Variants in SLC4A3 observed in about 807,000 individuals in gnomAD.
SLC4A3 encodes anion exchange protein 3.
In SLC4A3, 47 loss-of-function variants were observed where a neutral mutation model predicts 114.2. The observed-to-expected ratio is 0.41, with a 90% confidence interval of 0.33 to 0.52. SLC4A3 has a LOEUF of 0.52. Among genes scored for constraint, SLC4A3 ranks in the 20% least tolerant of loss-of-function variants. SLC4A3 has a pLI of 0.21. For synonymous variants in SLC4A3, 693 were observed against 710.3 expected, an observed-to-expected ratio of 0.98 and a Z score of 0.39; for missense variants, 1,312 against 1,668.3, an observed-to-expected ratio of 0.79 and a Z score of 3.72.
rs1298958577 is a variant in SLC4A3, at chr2:219,635,433, C to T, written c.1909C>T (p.Arg637Ter). Residue 637 changes from arginine to a stop codon, truncating the protein, a stop_gained, in exon 13 of 23, where the codon CGA becomes TGA. Transcript: ENST00000358055. LOFTEE classifies it high-confidence loss of function. ...CCAGCGAGAGCTGCTTAGGAAGCGGCGAGAGCGTGAACAGACCAAAGTCGA... is the reference window on the plus strand; with the variant it reads ...CCAGCGAGAGCTGCTTAGGAAGCGGTGAGAGCGTGAACAGACCAAAGTCGA... Reference protein sequence around the residue: ...AFQRELLRKRREREQTKVEMT... With the variant: ...AFQRELLRKR 9 of 1,613,932 alleles carry T rather than the reference C, an allele frequency of 5.6e-6. No individual in the cohort carries two copies. The highest frequency in any genetic ancestry group is 1.3e-5 in the African/African-American group (1 of 74,922).
Position 219,637,009 on chromosome 2 carries a change from G to A in SLC4A3, c.2535+135G>A. ...CTGTGTTGGGAGTGAGGGGTTCTAG[G>A]GACACCCTAGGCTAGGTCTGAGCTG... On this transcript the variant is annotated intron_variant, in intron 16 of 22. Transcript: ENST00000358055. This position sits in a 1 kb window ranked among gnomAD's most constrained non-coding sequence, Gnocchi z 4.6. The A allele has an allele frequency of 4.9e-6, 4 of 808,130 alleles. No homozygotes were observed. Among genetic ancestry groups the A allele is most frequent in the Non-Finnish European group, 7.8e-6 (4 of 510,454 alleles). 50.1% of individuals were successfully genotyped at this position (808,130 alleles called of 1,614,324 possible).
Position 219,628,328 on chromosome 2 carries a change from A to T in SLC4A3, c.52-77A>T. On this transcript the variant is annotated intron_variant, in intron 2 of 22. Coordinates refer to ENST00000358055, the MANE Select transcript of SLC4A3 (RefSeq NM_005070.4). This position sits in a 1 kb window ranked among gnomAD's most constrained non-coding sequence, Gnocchi z 4.8. ...TGTGAGAGCCTGCTGAGCTCCCCCA[A>T]CTAGGGCTTGGAGTTGGGGTGGGTG... is the stretch of plus-strand genomic sequence containing the variant. 1 of 1,440,064 alleles carries T rather than the reference A, an allele frequency of 6.9e-7. No individual in the cohort carries two copies. Among genetic ancestry groups the T allele is most frequent in the South Asian group, 1.4e-5 (1 of 71,032 alleles). The allele number at this position is 1,440,064 out of a possible 1,614,324, so 89.2% of individuals were successfully genotyped here.
chr2:219,633,900 G>A lies in SLC4A3; in HGVS notation c.1482G>A (p.Gly494=), dbSNP rs963005425. The change falls in exon 11 of 23, where the codon GGG becomes GGA. Residue 494 remains glycine (G), a synonymous_variant. Transcript: ENST00000358055. ...DAKEKPLHMP[G]GDGHRGKSLK... ...CTCAGAAGCCCCTCCACATGCCTGG[G>A]GGAGATGGTCACCGGGGGAAAAGCC... The A allele has an allele frequency of 1.3e-6, 2 of 1,560,002 alleles. No homozygotes were observed. Among genetic ancestry groups the A allele is most frequent in the African/African-American group, 2.7e-5 (2 of 73,850 alleles).
rs1208637287 is a variant in SLC4A3 at position 219,635,298 on chromosome 2, G to T, written c.1774G>T (p.Asp592Tyr). The T allele has an allele frequency of 6.2e-7, 1 of 1,614,144 alleles. No homozygotes were observed. The highest frequency in any genetic ancestry group is 1.7e-5 in the Admixed American group (1 of 60,024). ...GTTTCATGAGGCTGCCTACCAGGCA[G>T]ATGACCGGCAAGACCTCCTAAGTGC... ...KLFHEAAYQA[D>Y]DRQDLLSAIS... is the part of the protein sequence containing the mutation. Residue 592 changes from aspartate (D) to tyrosine (Y), a missense_variant, in exon 13 of 23, where the codon GAT becomes TAT. Around this residue, in one of 4 missense-constraint regions of SLC4A3, gnomAD observed 771 missense variants for 977.7 expected, o/e 0.79. Transcript: ENST00000358055.
In SLC4A3 at chr2:219,636,784, G is replaced by C. The variant is rs373653726; in HGVS notation, c.2445G>C (p.Leu815=). ...LALVAAEGSF[L]VRYISPFTQE... ...TGGTGGCCGCCGAAGGCAGCTTCCTGGTCCGCTACATCTCGCCTTTCACCC... is the reference window on the plus strand; with the variant it reads ...TGGTGGCCGCCGAAGGCAGCTTCCTCGTCCGCTACATCTCGCCTTTCACCC... The change falls in exon 16 of 23, where the codon CTG becomes CTC. Residue 815 remains leucine, a synonymous_variant. Transcript: ENST00000358055. This position sits in a 1 kb window ranked among gnomAD's most constrained non-coding sequence, Gnocchi z 5.5. 1.2e-6 allele frequency: 2 copies of C among 1,613,918 alleles called. No individual in the cohort carries two copies. The highest frequency in any genetic ancestry group is 1.3e-5 in the African/African-American group (1 of 74,896).
chr2:219,635,965 T>C, intron 14 of SLC4A3, 74 bp downstream of exon 14: 1 of 1,230,424 alleles, frequency 8.1e-7, no homozygotes, highest in Non-Finnish European at 1.1e-6. Flanking sequence ...TGCAGGATTC[T>C]GGGTCTGGGT....
rs1639575756 is a variant in SLC4A3 at position 219,640,339 on chromosome 2, G to A, written c.3278-91G>A. ...CTCCATCCTCACGGGGGCTGTCTGAGGGTCAGGCAGATCTGTGTCACCTCT... is the reference window on the plus strand; with the variant it reads ...CTCCATCCTCACGGGGGCTGTCTGAAGGTCAGGCAGATCTGTGTCACCTCT... On this transcript the variant is annotated intron_variant, in intron 20 of 22. Transcript: ENST00000358055. The A allele has an allele frequency of 9.0e-6, 13 of 1,437,004 alleles. No individual in the cohort carries two copies. In the South Asian group the frequency reaches 1.7e-4, roughly 19 times the overall value. The allele number at this position is 1,437,004 out of a possible 1,614,324, so 89.0% of individuals were successfully genotyped here.
chr2:219,634,761 G>T (rs1234819427), intron 12 of SLC4A3, among the ~76,000 whole-genome samples, 157 bp downstream of exon 12: 1 of 152,194 alleles, frequency 6.6e-6, no homozygotes, highest in Non-Finnish European at 1.5e-5. Context: ...TGGCCCAGGG[G>T]AGAAGAGAGA....
At position 219,628,661 on chromosome 2, in the gene SLC4A3, C is replaced by G; in HGVS notation, c.217+91C>G. On this transcript the variant is annotated intron_variant, in intron 3 of 22. Coordinates refer to ENST00000358055, the MANE Select transcript of SLC4A3 (RefSeq NM_005070.4). This position sits in a 1 kb window ranked among gnomAD's most constrained non-coding sequence, Gnocchi z 4.8. ...CGCGCTCACCTCCGGCTTGGTCACC[C>G]AGTGCCATCCTGTGCCGGACACTGT... 1 of 1,311,924 alleles carries G rather than the reference C, an allele frequency of 7.6e-7. No individual in the cohort carries two copies. The highest frequency in any genetic ancestry group is 1.3e-5 in the South Asian group (1 of 79,990). 81.3% of individuals were successfully genotyped at this position (1,311,924 alleles called of 1,614,324 possible). A position where few individuals can be genotyped will look rare whatever the true frequency, so the allele number is the denominator to read the frequency against.
intron 10 of SLC4A3, 48 bp from the exon 11 acceptor site, chr2:219,633,832 A>T: frequency 6.5e-7 from 1 of 1,550,286 alleles, no homozygotes. Context: ...AGGGCCTGCC[A>T]CGGCCTCCGG....
In SLC4A3 at chr2:219,633,354, A is replaced by G. The variant is rs1481198336; in HGVS notation, c.1358A>G (p.His453Arg). 1 of 1,607,470 alleles carries G rather than the reference A, an allele frequency of 6.2e-7. No individual in the cohort carries two copies. The highest frequency in any genetic ancestry group is 8.5e-7 in the Non-Finnish European group (1 of 1,175,736). Residue 453 changes from histidine to arginine, a missense_variant, in exon 10 of 23, where the codon CAT becomes CGT. By Grantham distance (29) the His-to-Arg change is conservative. Around this residue, in one of 4 missense-constraint regions of SLC4A3, gnomAD observed 771 missense variants for 977.7 expected, o/e 0.79. Coordinates refer to ENST00000358055, the MANE Select transcript of SLC4A3 (RefSeq NM_005070.4). ...AGCATGAACTCGGTTCTGGGGAATC[A>G]TCACCCAACTCCCAGCCATGGCCCT... is the stretch of plus-strand genomic sequence containing the variant. The part of the protein sequence containing the change: ...SSSMNSVLGN[H>R]HPTPSHGPDG...
rs1183475042 is a variant in SLC4A3 at position 219,641,776 on chromosome 2, C to A, written c.*48C>A. 6.7e-7 allele frequency: 1 copy of A among 1,498,800 alleles called. No individual in the cohort carries two copies. The highest frequency in any genetic ancestry group is 1.4e-5 in the African/African-American group (1 of 72,760). The allele number at this position is 1,498,800 out of a possible 1,614,324, so 92.8% of individuals were successfully genotyped here. ...GAGACCCCAAGACCTTAGGGATTGA[C>A]ACCTGGGCCTCAGGCAGAGCCCAGC... On this transcript the variant is annotated 3_prime_UTR_variant, in exon 23 of 23. Coordinates refer to ENST00000358055, the MANE Select transcript of SLC4A3 (RefSeq NM_005070.4). This position sits in a 1 kb window ranked among gnomAD's most constrained non-coding sequence, Gnocchi z 4.0.
Position 219,637,591 on chromosome 2 carries a change from A to G in SLC4A3, c.2546A>G (p.Glu849Gly), listed in dbSNP as rs1417541578. 6.3e-7 allele frequency: 1 copy of G among 1,584,988 alleles called. No homozygotes were observed. Among genetic ancestry groups the G allele is most frequent in the Admixed American group, 1.8e-5 (1 of 56,162 alleles). Residue 849 changes from glutamate to glycine, a missense_variant, in exon 17 of 23, where the codon GAG (glutamate) becomes GGG (glycine). By Grantham distance (98) the Glu-to-Gly change is moderately conservative (BLOSUM62 -2). Coordinates refer to ENST00000358055, the MANE Select transcript of SLC4A3 (RefSeq NM_005070.4). This position sits in a 1 kb window ranked among gnomAD's most constrained non-coding sequence, Gnocchi z 4.6. ...TFYKLYKVFT[E>G]HPLLPFYPPE... The stretch of plus-strand genomic sequence containing the variant: ...GTTATCCACACACAGGTGTTCACAG[A>G]GCACCCACTGCTGCCGTTCTACCCC...
At position 219,638,659 on chromosome 2, in the gene SLC4A3, C is replaced by T; in HGVS notation, c.2857-44C>T. On this transcript the variant is annotated intron_variant, in intron 18 of 22. Coordinates refer to ENST00000358055, the MANE Select transcript of SLC4A3 (RefSeq NM_005070.4). The surrounding 1 kb of genome is among the most constrained non-coding windows in gnomAD (Gnocchi z 7.5). The stretch of plus-strand genomic sequence containing the variant: ...GTGGGCTGCTTGGTGGGCTTTCTAG[C>T]ATGGGGAGGCTGTGTCCCTGAACCC... 1 of 1,598,162 alleles carries T rather than the reference C, an allele frequency of 6.3e-7. No homozygotes were observed. The highest frequency in any genetic ancestry group is 8.5e-7 in the Non-Finnish European group (1 of 1,171,502).
chr2:219,639,577 T>G lies in SLC4A3; in HGVS notation c.3119T>G (p.Leu1040Arg). 1 of 1,614,100 alleles carries G rather than the reference T, an allele frequency of 6.2e-7. No individual in the cohort carries two copies. ...GGCTCCCTGGGGGGGCTCTGTGGGC[T>G]GTTTGGGTTGCCCTGGCTCACGGCT... Reference protein sequence around the residue: ...LIGSLGGLCGLFGLPWLTAAT... With the variant: ...LIGSLGGLCGRFGLPWLTAAT... Residue 1040 changes from leucine to arginine, a missense_variant, in exon 20 of 23, where the codon CTG (leucine) becomes CGG (arginine). Around this residue, in one of 4 missense-constraint regions of SLC4A3, gnomAD observed 301 missense variants for 460.7 expected, o/e 0.65. Coordinates refer to ENST00000358055, the MANE Select transcript of SLC4A3 (RefSeq NM_005070.4). The surrounding 1 kb of genome is among the most constrained non-coding windows in gnomAD (Gnocchi z 5.9).
In SLC4A3 at chr2:219,629,746, C is replaced by T. The variant is rs1442915275; in HGVS notation, c.611+51C>T. On this transcript the variant is annotated intron_variant, in intron 5 of 22. Transcript: ENST00000358055. The stretch of plus-strand genomic sequence containing the variant: ...AGGGCCCAGCCCAGAGCCACAGGGT[C>T]CAGAGCTCCTGGCAGTCACCTCCTT... 1.0e-5 allele frequency: 13 copies of T among 1,302,566 alleles called. No individual in the cohort carries two copies. The Middle Eastern group carries it at 8.2e-4, about 82-fold the overall frequency. The allele number at this position is 1,302,566 out of a possible 1,614,324, so 80.7% of individuals were successfully genotyped here.
rs387907534 is a variant in SLC4A3, at chr2:219,638,181, G to A, written c.2784G>A (p.Gly928=). The change falls in exon 18 of 23, where the codon GGG becomes GGA. Residue 928 remains glycine (G), a synonymous_variant. Transcript: ENST00000358055. This position sits in a 1 kb window ranked among gnomAD's most constrained non-coding sequence, Gnocchi z 7.5. ...CTCTCAAGGCTCGTCGCATCATCGG[G>A]GACTTTGGCATCCCCATCTCCATCC... ...FLGGKARRII[G]DFGIPISILV... 211 of 1,612,336 alleles carry A rather than the reference G, an allele frequency of 1.3e-4. No homozygotes were observed. Among genetic ancestry groups the A allele is most frequent in the Middle Eastern group, 4.9e-4 (3 of 6,080 alleles).
At position 219,630,061 on chromosome 2, in the gene SLC4A3, G is replaced by A; in HGVS notation, c.612-92G>A. 1.3e-6 allele frequency: 2 copies of A among 1,549,438 alleles called. No individual in the cohort carries two copies. Among genetic ancestry groups the A allele is most frequent in the Non-Finnish European group, 1.7e-6 (2 of 1,145,250 alleles). On this transcript the variant is annotated intron_variant, in intron 5 of 22. Transcript: ENST00000358055. The surrounding 1 kb of genome is among the most constrained non-coding windows in gnomAD (Gnocchi z 6.9). ...GAGGGGCCTGGGTCTCATGCTCAGG[G>A]TCTACTCCAGGCCGTGCTCTGAGCT...
At chr2:219,633,097 C>T in intron 9 of SLC4A3, 88 bp downstream of exon 9, 4 of 1,507,440 alleles carry the variant, frequency 2.7e-6, no homozygotes, top group East Asian at 2.3e-5. Context: ...CCAGCCTCTG[C>T]TTGAATGCCA....
Sources: allele counts gnomAD v4.1 joint callset (sites outside exome capture counted in the v4.1 genomes callset), GRCh38; gene constraint gnomAD v4.1.1; regional missense constraint gnomAD v4.1.1; non-coding constraint Gnocchi (gnomAD v3.1); transcripts MANE v1.5; gene names NCBI Gene and HGNC (gene_info 2026-07-23, HGNC 2026-07-21).